Variants in IQCM observed in about 807,000 individuals in gnomAD.
The protein encoded by IQCM is IQ motif containing M, also known as IQ domain-containing protein M.
IQCM carries 45 observed loss-of-function variants against 57.6 expected under a neutral mutation model. The ratio of observed to expected loss-of-function variants is 0.78; its 90% CI spans 0.62 to 1.00. The LOEUF is 1.00. Among genes scored for constraint, IQCM ranks in the 50% least tolerant of loss-of-function variants. The pLI is 0.00. For missense variants in IQCM, 468 were observed against 511.6 expected, an observed-to-expected ratio of 0.91 and a Z score of 0.82; for synonymous variants, 148 against 158.9, an observed-to-expected ratio of 0.93 and a Z score of 0.51.
chr4:149,660,793 G>A (rs1340217605), intron 7 of IQCM, among the ~76,000 whole-genome samples: 2 of 151,918 alleles, frequency 1.3e-5, no homozygotes, highest in African/African-American at 4.8e-5. Context: ...GAGAACACAT[G>A]GACACAGGAA....
intron 8 of IQCM, among the ~76,000 whole-genome samples, chr4:149,608,829 T>A (rs1755023409): frequency 6.6e-6 from 1 of 151,412 alleles, no homozygotes; most frequent in South Asian, 2.1e-4. Context: ...AATAACCTAA[T>A]GATGCATCTT....
At chr4:149,517,588 C>T (rs1745112206) in intron 12 of IQCM, among the ~76,000 whole-genome samples, 1 of 152,058 alleles carries the variant, frequency 6.6e-6, no homozygotes, top group African/African-American at 2.4e-5. Context: ...TGAGTGTCAA[C>T]TTGATTGGAT....
At chr4:149,655,340 T>C (rs570259720) in intron 7 of IQCM, among the ~76,000 whole-genome samples, 1 of 152,284 alleles carries the variant, frequency 6.6e-6, no homozygotes, top group African/African-American at 2.4e-5. Flanking sequence ...GATTTAAAAC[T>C]CTTTTCTTAC....
At chr4:149,684,135 C>T (rs193151632) in intron 6 of IQCM, among the ~76,000 whole-genome samples, 3 of 151,078 alleles carry the variant, frequency 2.0e-5, no homozygotes, top group East Asian at 2.0e-4. Flanking sequence ...TAGGATGAAC[C>T]CATATCTATC....
intron 8 of IQCM, among the ~76,000 whole-genome samples, chr4:149,597,673 G>T (rs1753908295): frequency 6.6e-6 from 1 of 152,186 alleles, no homozygotes; most frequent in Non-Finnish European, 1.5e-5. Context: ...TTACAGGTGT[G>T]AGCCACTGCA....
chr4:149,520,234 T>C (rs1010141054), intron 12 of IQCM, among the ~76,000 whole-genome samples: 36 of 151,646 alleles, frequency 2.4e-4, no homozygotes, highest in African/African-American at 8.0e-4. Context: ...TTTTTTTTTT[T>C]TTTTTGCAGG....
chr4:149,442,209 G>A (rs1218506766), intron 12 of IQCM, among the ~76,000 whole-genome samples: 1 of 151,990 alleles, frequency 6.6e-6, no homozygotes, highest in Non-Finnish European at 1.5e-5. Flanking sequence ...TGATCTTTCT[G>A]AGGTATCAGC....
intron 12 of IQCM, among the ~76,000 whole-genome samples, chr4:149,437,032 T>C (rs1735429150): frequency 6.6e-6 from 1 of 152,136 alleles, no homozygotes; most frequent in African/African-American, 2.4e-5. Flanking sequence ...TACTGAAGCA[T>C]AGGGAGGTTA....
chr4:149,704,183 A>T (rs570551545), intron 5 of IQCM, among the ~76,000 whole-genome samples: 6 of 152,068 alleles, frequency 3.9e-5, no homozygotes, highest in Non-Finnish European at 8.8e-5. Context: ...AACATATCAC[A>T]TACACTATAA....
At chr4:149,669,025 T>G (rs996121268) in intron 7 of IQCM, among the ~76,000 whole-genome samples, 2 of 152,182 alleles carry the variant, frequency 1.3e-5, no homozygotes, top group Non-Finnish European at 2.9e-5. Flanking sequence ...TAAACATATC[T>G]TTATAAACAC....
chr4:149,694,544 C>CCA (rs139799316), intron 5 of IQCM, among the ~76,000 whole-genome samples: 10,721 of 151,254 alleles, frequency 0.071, 501 homozygotes, highest in Middle Eastern at 0.15. Flanking sequence ...CCCCCTCCTT[C>CCA]CACACACACA....
intron 13 of IQCM, among the ~76,000 whole-genome samples, chr4:149,430,820 T>C (rs1734790602): frequency 6.6e-6 from 1 of 152,062 alleles, no homozygotes; most frequent in South Asian, 2.1e-4. Flanking sequence ...CATATACAAG[T>C]TTTTGAATAG....
rs554913673 is a variant in IQCM, at chr4:149,801,055, T to C, written c.-49+14256A>G. Among the ~76,000 whole-genome samples, 12 of 151,692 alleles carry C rather than the reference T, an allele frequency of 7.9e-5. No individual in the cohort carries two copies. In the East Asian group the frequency reaches 1.7e-3, roughly 22 times the overall value. On this transcript the variant is annotated intron_variant, in intron 2 of 13. Coordinates refer to ENST00000636793, the MANE Select transcript of IQCM (RefSeq NM_001363507.2). ...CTTTGGGCATTTTTGGGGCAAAATA[T>C]TTGGGGGCAAAGTTTTTGGGCAAAA...
intron 13 of IQCM, among the ~76,000 whole-genome samples, chr4:149,396,329 C>T (rs977503831): frequency 6.6e-6 from 1 of 151,346 alleles, no homozygotes; most frequent in Admixed American, 6.6e-5. Context: ...CATATACATA[C>T]ATATATTTTA....
intron 2 of IQCM, among the ~76,000 whole-genome samples, chr4:149,785,381 T>A (rs1033091497): frequency 6.6e-6 from 1 of 152,144 alleles, no homozygotes; most frequent in Non-Finnish European, 1.5e-5. Flanking sequence ...AAGAAATGTA[T>A]AAAATAAGGA....
chr4:149,712,967 T>C (rs1764687733), intron 5 of IQCM, among the ~76,000 whole-genome samples: 1 of 152,212 alleles, frequency 6.6e-6, no homozygotes, highest in African/African-American at 2.4e-5. Flanking sequence ...AAAAAGTTTA[T>C]AAAGATCCTG....
chr4:149,457,834 T>C (rs887523583), intron 12 of IQCM, among the ~76,000 whole-genome samples: 126 of 152,086 alleles, frequency 8.3e-4, no homozygotes, highest in Non-Finnish European at 2.8e-4. Context: ...AAAATATATG[T>C]ATTTTAAGAG....
chr4:149,461,233 C>CA (rs61429806), intron 12 of IQCM, among the ~76,000 whole-genome samples: 2,360 of 70,724 alleles, frequency 0.033, 98 homozygotes, highest in African/African-American at 0.12. Context: ...AACTCCATCT[C>CA]AAAAAAAAAA....
intron 7 of IQCM, among the ~76,000 whole-genome samples, chr4:149,665,252 C>G (rs1467468933): frequency 6.6e-6 from 1 of 152,260 alleles, no homozygotes; most frequent in East Asian, 1.9e-4. Context: ...TTCAGCAGCA[C>G]AAACTCCTAG....
Sources: allele counts gnomAD v4.1 joint callset (sites outside exome capture counted in the v4.1 genomes callset), GRCh38; gene constraint gnomAD v4.1.1; transcripts MANE v1.5; gene names NCBI Gene and HGNC (gene_info 2026-07-23, HGNC 2026-07-21).